The following MYOZ3 variants were observed in gnomAD, a reference collection of about 807,000 sequenced individuals.
The protein encoded by MYOZ3 is myozenin 3.
A neutral mutation model predicts 26.5 loss-of-function variants in MYOZ3; 19 were observed. That is an observed-to-expected ratio of 0.72 (90% CI 0.50 to 1.05). MYOZ3 has a LOEUF of 1.05. MYOZ3 is among the 50% of genes least tolerant of loss of function. MYOZ3 has a pLI of 0.00. For synonymous variants in MYOZ3, 135 were observed against 138.8 expected (o/e 0.97, Z 0.19); for missense variants, 322 against 337.1 (o/e 0.96, Z 0.35).
At position 150,670,562 on chromosome 5, in the gene MYOZ3, G is replaced by A; in HGVS notation, c.140G>A (p.Arg47Lys). 2 of 1,613,400 alleles carry A rather than the reference G, an allele frequency of 1.2e-6. No individual in the cohort carries two copies. Among genetic ancestry groups the A allele is most frequent in the Non-Finnish European group, 1.7e-6 (2 of 1,179,744 alleles). The change falls in exon 3 of 7, where the codon AGA becomes AAA. Residue 47 changes from arginine (R) to lysine (K), a missense_variant. Coordinates refer to ENST00000517768, the MANE Select transcript of MYOZ3 (RefSeq NM_001122853.3). ...GAGGAGCTGTCACTACGCAACAACA[G>A]AGGGTCCCTCCTCTTCCAGAAGAGG... Reference protein sequence around the residue: ...MMEELSLRNNRGSLLFQKRQR... With the variant: ...MMEELSLRNNKGSLLFQKRQR...
intron 2 of MYOZ3, 115 bp downstream of exon 2, chr5:150,663,117 C>T: frequency 1.2e-6 from 1 of 846,686 alleles, no homozygotes; most frequent in South Asian, 1.9e-5. Context: ...GAGCTCCAGG[C>T]CAGCTCTGAG....
intron 2 of MYOZ3, among the ~76,000 whole-genome samples, chr5:150,667,815 T>C (rs770120573): frequency 1.2e-4 from 18 of 152,210 alleles, no homozygotes; most frequent in Non-Finnish European, 2.5e-4. Context: ...CCCTCCTTCA[T>C]TCCTAAATTT....
chr5:150,675,503 G>A (rs1475899552), intron 6 of MYOZ3, among the ~76,000 whole-genome samples: 1 of 152,050 alleles, frequency 6.6e-6, no homozygotes, highest in African/African-American at 2.4e-5. Context: ...CTCCCAGGTA[G>A]CTGGAATTAC....
At chr5:150,663,602 T>A (rs1758767344) in intron 2 of MYOZ3, among the ~76,000 whole-genome samples, 1 of 152,234 alleles carries the variant, frequency 6.6e-6, no homozygotes, top group African/African-American at 2.4e-5. Flanking sequence ...AAAGTTTAAA[T>A]TCATTTTTAT....
intron 6 of MYOZ3, among the ~76,000 whole-genome samples, chr5:150,675,237 TGGGG>T (rs1374836990): frequency 2.0e-5 from 3 of 149,644 alleles, no homozygotes; most frequent in Admixed American, 6.6e-5. Flanking sequence ...TGTGTGTGTG[TGGGG>T]GTGTGTGTGT....
rs768354919 is a variant in MYOZ3 at position 150,672,518 on chromosome 5, C to T, written c.587+16C>T. The T allele has an allele frequency of 6.4e-7, 1 of 1,551,218 alleles. No homozygotes were observed. Among genetic ancestry groups the T allele is most frequent in the Admixed American group, 1.9e-5 (1 of 53,852 alleles). ...ATTTCAACAAGTAAGGCGGGGCGGG[C>T]AGCCCGGGGGACAGACCGGGAGGGG... On this transcript the variant is annotated intron_variant, in intron 6 of 6. Transcript: ENST00000517768.
intron 6 of MYOZ3, 114 bp from the exon 7 acceptor site, chr5:150,676,592 GA>G (rs1418533538): frequency 1.1e-6 from 1 of 921,128 alleles, no homozygotes; most frequent in Non-Finnish European, 1.6e-6. Flanking sequence ...GTATAGAAGG[GA>G]AAACTGAGGC....
At chr5:150,662,740 G>T (rs1446618363) in intron 1 of MYOZ3, among the ~76,000 whole-genome samples, 1 of 152,188 alleles carries the variant, frequency 6.6e-6, no homozygotes, top group African/African-American at 2.4e-5. Flanking sequence ...GCAAACTTGA[G>T]CACCTCCCTC....
At chr5:150,673,968 C>T (rs904168074) in intron 6 of MYOZ3, among the ~76,000 whole-genome samples, 5 of 152,066 alleles carry the variant, frequency 3.3e-5, no homozygotes, top group African/African-American at 9.7e-5. Context: ...GACGGGTGGG[C>T]GCCAGAGCCT....
chr5:150,672,062 G>A (rs1758924563), intron 5 of MYOZ3, 154 bp downstream of exon 5: 2 of 1,246,790 alleles, frequency 1.6e-6, no homozygotes, highest in Non-Finnish European at 1.1e-6. Context: ...ACCACGAGCC[G>A]GAGGGGCGCC....
At chr5:150,672,721 T>G in intron 6 of MYOZ3, 1 of 549,886 alleles carries the variant, frequency 1.8e-6, no homozygotes, top group South Asian at 2.8e-5. Flanking sequence ...CCGCACATCT[T>G]GGATATTCTC....
intron 5 of MYOZ3, 136 bp downstream of exon 5, chr5:150,672,044 C>A: frequency 1.5e-6 from 2 of 1,320,548 alleles, no homozygotes; most frequent in Non-Finnish European, 2.1e-6. Flanking sequence ...GCGCACTCCC[C>A]TCGCCAGACC....
intron 1 of MYOZ3, among the ~76,000 whole-genome samples, chr5:150,662,059 C>T (rs1758742275): frequency 1.3e-5 from 2 of 152,180 alleles, no homozygotes; most frequent in South Asian, 4.1e-4. Context: ...CCCACTGACT[C>T]CCAGGGCCCC....
At chr5:150,667,036 G>A (rs1418536132) in intron 2 of MYOZ3, among the ~76,000 whole-genome samples, 1 of 152,044 alleles carries the variant, frequency 6.6e-6, no homozygotes, top group Non-Finnish European at 1.5e-5. Context: ...TGGGATTATG[G>A]GTGTGAGCCA....
In MYOZ3 at chr5:150,672,402, G is replaced by C. The variant is rs1395884248; in HGVS notation, c.487G>C (p.Gly163Arg). ...EKFNHTAISK[G>R]YRCPWQEFVS... ...GTTCAACCACACCGCCATCTCCAAG[G>C]GCTACCGCTGCCCTTGGCAGGAGTT... Residue 163 changes from glycine to arginine, a missense_variant, in exon 6 of 7, where the codon GGC becomes CGC. Physicochemically the swap from Gly to Arg is moderately radical, Grantham distance 125. Transcript: ENST00000517768. The C allele has an allele frequency of 6.2e-6, 10 of 1,613,560 alleles. No homozygotes were observed. The highest frequency in any genetic ancestry group is 8.5e-6 in the Non-Finnish European group (10 of 1,179,814).
chr5:150,665,495 A>G (rs1390166282), intron 2 of MYOZ3, among the ~76,000 whole-genome samples: 1 of 152,258 alleles, frequency 6.6e-6, no homozygotes, highest in East Asian at 1.9e-4. Flanking sequence ...CCCCACTGCA[A>G]TAAACATTCT....
chr5:150,667,920 T>C (rs1416490845), intron 2 of MYOZ3, among the ~76,000 whole-genome samples: 1 of 152,218 alleles, frequency 6.6e-6, no homozygotes, highest in African/African-American at 2.4e-5. Flanking sequence ...GCCACAAAGA[T>C]ATTAGCATAC....
In MYOZ3 at chr5:150,676,748, T is replaced by G; in HGVS notation, c.629T>G (p.Phe210Cys). The change falls in exon 7 of 7, where the codon TTT (phenylalanine) becomes TGT (cysteine). Residue 210 changes from phenylalanine to cysteine, a missense_variant. Coordinates refer to ENST00000517768, the MANE Select transcript of MYOZ3 (RefSeq NM_001122853.3). ...PFGGPLVGGT[F>C]PRPGTPFIPE... ...GGAGGACCCCTCGTGGGGGGCACTT[T>G]TCCCAGGCCAGGCACCCCCTTCATC... 1.2e-6 allele frequency: 2 copies of G among 1,614,012 alleles called. No homozygotes were observed. Among genetic ancestry groups the G allele is most frequent in the Non-Finnish European group, 1.7e-6 (2 of 1,179,988 alleles).
rs201088365 is a variant in MYOZ3 at position 150,670,594 on chromosome 5, C to G, written c.172C>G (p.Arg58Gly). 6.2e-7 allele frequency: 1 copy of G among 1,612,800 alleles called. No homozygotes were observed. Among genetic ancestry groups the G allele is most frequent in the Non-Finnish European group, 8.5e-7 (1 of 1,179,324 alleles). The change falls in exon 3 of 7, where the codon CGT (arginine) becomes GGT (glycine). Residue 58 changes from arginine to glycine, a missense_variant. By Grantham distance (125) the Arg-to-Gly change is moderately radical. Coordinates refer to ENST00000517768, the MANE Select transcript of MYOZ3 (RefSeq NM_001122853.3). ...GSLLFQKRQR[R>G]VQKFTFELAA... ...CCTCCTCTTCCAGAAGAGGCAGCGC[C>G]GTGTGCAGAAGTTCACTTTCGAGTT...
Sources: gnomAD v4.1 joint callset for allele counts (sites outside exome capture counted in the v4.1 genomes callset) on GRCh38, gnomAD v4.1.1 for gene constraint, MANE v1.5 for transcripts, NCBI Gene and HGNC (gene_info 2026-07-23, HGNC 2026-07-21) for gene names.